Variants in PRKAG2 observed in about 807,000 individuals in gnomAD.
The protein encoded by PRKAG2 is protein kinase AMP-activated non-catalytic subunit gamma 2.
In PRKAG2, 26 loss-of-function variants were observed where a neutral mutation model predicts 69.6. That is an observed-to-expected ratio of 0.37 (90% CI 0.27 to 0.52). PRKAG2 has a LOEUF of 0.52. Among genes scored for constraint, PRKAG2 ranks in the 20% least tolerant of loss-of-function variants. The pLI, the probability that PRKAG2 is intolerant of heterozygous loss-of-function variation, is 0.90. For missense variants in PRKAG2, 557 were observed against 740.0 expected (o/e 0.75, Z 2.87); for synonymous variants, 293 against 285.0 (o/e 1.03, Z -0.28).
At chr7:151,755,863 T>C (rs1422218242) in intron 3 of PRKAG2, among the ~76,000 whole-genome samples, 2 of 152,156 alleles carry the variant, frequency 1.3e-5, no homozygotes, top group Non-Finnish European at 2.9e-5. Context: ...TTCACCCCGG[T>C]GCCTAAAGCA....
In PRKAG2 at chr7:151,556,440, C is replaced by G. The variant is rs1283998265; in HGVS notation, c.*761G>C. 6.6e-6 allele frequency: 1 copy of G among 152,662 alleles called. No individual in the cohort carries two copies. The allele number at this position is 152,662 out of a possible 1,614,324, so 9.5% of individuals were successfully genotyped here. On this transcript the variant is annotated 3_prime_UTR_variant, in exon 16 of 16. Transcript: ENST00000287878. Reference sequence around the variant, plus strand: ...TCCTCCACACTTTGAGAGACCTCAGCTTTTAAAACCCAGCAGCGGCTATTT... The same window carrying G: ...TCCTCCACACTTTGAGAGACCTCAGGTTTTAAAACCCAGCAGCGGCTATTT...
chr7:151,559,422 C>T (rs1804436459), intron 15 of PRKAG2: 4 of 985,336 alleles, frequency 4.1e-6, no homozygotes, highest in South Asian at 9.4e-5. Context: ...GTGACTGCAC[C>T]AGGCCCCATT....
intron 1 of PRKAG2, among the ~76,000 whole-genome samples, chr7:151,876,134 C>T (rs2080396203): frequency 6.6e-6 from 1 of 151,016 alleles, no homozygotes; most frequent in Admixed American, 6.6e-5. Context: ...TCCACCTCCC[C>T]GGAGCGCAGT....
chr7:151,597,738 C>T (rs1814907247), intron 5 of PRKAG2, among the ~76,000 whole-genome samples: 1 of 151,746 alleles, frequency 6.6e-6, no homozygotes, highest in Non-Finnish European at 1.5e-5. Context: ...GAGATATCAC[C>T]TCACTCCAGT....
intron 4 of PRKAG2, among the ~76,000 whole-genome samples, chr7:151,635,313 T>C (rs574799536): frequency 6.6e-6 from 1 of 152,332 alleles, no homozygotes; most frequent in East Asian, 1.9e-4. Flanking sequence ...GCAACTACCA[T>C]GTAACACATC....
At chr7:151,566,822 G>A (rs768520820) in intron 11 of PRKAG2, among the ~76,000 whole-genome samples, 1 of 152,112 alleles carries the variant, frequency 6.6e-6, no homozygotes, top group Non-Finnish European at 1.5e-5. Context: ...GAAGGGTAAT[G>A]CTCCTTTTTT....
At chr7:151,684,653 G>A (rs1218807899) in intron 3 of PRKAG2, among the ~76,000 whole-genome samples, 1 of 152,132 alleles carries the variant, frequency 6.6e-6, no homozygotes, top group Non-Finnish European at 1.5e-5. Context: ...CCTTGCCTGG[G>A]GGACAGGAGT....
intron 3 of PRKAG2, among the ~76,000 whole-genome samples, chr7:151,776,399 A>G (rs1356183651): frequency 7.0e-6 from 1 of 143,572 alleles, no homozygotes; most frequent in African/African-American, 2.7e-5. Flanking sequence ...CAGAAGAGTG[A>G]ACCTGGGGAT....
intron 4 of PRKAG2, among the ~76,000 whole-genome samples, chr7:151,668,557 A>C (rs1253367790): frequency 1.3e-5 from 2 of 152,158 alleles, no homozygotes; most frequent in East Asian, 1.9e-4. Context: ...TTTTAGCAGG[A>C]TCGTTCTTGG....
rs374422192 is a variant in PRKAG2, at chr7:151,716,047, C to T, written c.467-40410G>A. ...TGTGCAGGGATGGAGCTCGATTGCC[C>T]TTGAGTTTGTAGTCTGGGGTTGAGC... On this transcript the variant is annotated intron_variant, in intron 3 of 15. Coordinates refer to ENST00000287878, the MANE Select transcript of PRKAG2 (RefSeq NM_016203.4). Among the ~76,000 whole-genome samples, 9 of 152,158 alleles carry T rather than the reference C, an allele frequency of 5.9e-5. No individual in the cohort carries two copies. The East Asian group carries it at 1.4e-3, about 23-fold the overall frequency.
rs2076015262 is a variant in PRKAG2, at chr7:151,771,436, G to C, written c.466+9716C>G. ...TTATTCCACTTCCTCCTTTCCTCCT[G>C]CACTCTGTTCCAAAGCCAGAGAGCT... On this transcript the variant is annotated intron_variant, in intron 3 of 15. Transcript: ENST00000287878. This position sits in a 1 kb window ranked among gnomAD's most constrained non-coding sequence, Gnocchi z 4.0. 6.6e-6 allele frequency among the ~76,000 whole-genome samples: 1 copy of C among 152,116 alleles called. No homozygotes were observed.
At chr7:151,848,784 C>T (rs527693965) in intron 1 of PRKAG2, among the ~76,000 whole-genome samples, 1 of 152,274 alleles carries the variant, frequency 6.6e-6, no homozygotes, top group South Asian at 2.1e-4. Context: ...CTCGGCCTCC[C>T]AAAGTGCTGG....
chr7:151,698,341 C>T (rs1040638356), intron 3 of PRKAG2, among the ~76,000 whole-genome samples: 1 of 152,198 alleles, frequency 6.6e-6, no homozygotes. Context: ...CCATCCCCCA[C>T]CCCCTCGCCT....
chr7:151,654,694 C>T (rs1384090117), intron 4 of PRKAG2, among the ~76,000 whole-genome samples: 7 of 152,018 alleles, frequency 4.6e-5, no homozygotes, highest in Non-Finnish European at 5.9e-5. Context: ...TCAGGATATG[C>T]TGGGTTTTTC....
In PRKAG2 at chr7:151,756,277, G is replaced by C. The variant is rs2075078871; in HGVS notation, c.466+24875C>G. ...ACACCACACACGTGACTGCAACGAA[G>C]GAAGTGTGGGTTCCTTTTAACGTAG... On this transcript the variant is annotated intron_variant, in intron 3 of 15. Transcript: ENST00000287878. This position sits in a 1 kb window ranked among gnomAD's most constrained non-coding sequence, Gnocchi z 4.9. Among the ~76,000 whole-genome samples the C allele has an allele frequency of 6.6e-6, 1 of 152,194 alleles. No homozygotes were observed. The highest frequency in any genetic ancestry group is 2.1e-4 in the South Asian group (1 of 4,836).
chr7:151,853,871 T>C (rs1391350667), intron 1 of PRKAG2, among the ~76,000 whole-genome samples: 2 of 152,016 alleles, frequency 1.3e-5, no homozygotes, highest in Non-Finnish European at 2.9e-5. Flanking sequence ...AAAGGATGAT[T>C]TGGGCTCAAA....
At chr7:151,613,528 C>T (rs76409819) in intron 5 of PRKAG2, among the ~76,000 whole-genome samples, 3,215 of 152,230 alleles carry the variant, frequency 0.021, 119 homozygotes, top group East Asian at 0.18. Flanking sequence ...GATGGAGTCT[C>T]GTTCTGTCAC....
rs1246353362 is a variant in PRKAG2 at position 151,556,959 on chromosome 7, TG to T, written c.*241del. On this transcript the variant is annotated 3_prime_UTR_variant, in exon 16 of 16. Transcript: ENST00000287878. ...AACTTCAGGACACAGTGCACTTTAATGACATACAGCATTTAAAATCCTTCAG... is the reference window on the plus strand; with the variant it reads ...AACTTCAGGACACAGTGCACTTTAATACATACAGCATTTAAAATCCTTCAG... The T allele has an allele frequency of 1.8e-6, 1 of 570,426 alleles. No homozygotes were observed. Among genetic ancestry groups the T allele is most frequent in the Non-Finnish European group, 3.1e-6 (1 of 327,242 alleles). The allele number at this position is 570,426 out of a possible 1,614,324, so 35.3% of individuals were successfully genotyped here.
intron 2 of PRKAG2, among the ~76,000 whole-genome samples, chr7:151,783,211 G>A (rs1463965478): frequency 6.6e-6 from 1 of 152,264 alleles, no homozygotes. Flanking sequence ...AAGAGCCGGC[G>A]CCGCCACGTG....
Sources: gnomAD v4.1 joint callset for allele counts (sites outside exome capture counted in the v4.1 genomes callset) on GRCh38, gnomAD v4.1.1 for gene constraint, Gnocchi (gnomAD v3.1) non-coding constraint, MANE v1.5 for transcripts, NCBI Gene and HGNC (gene_info 2026-07-23, HGNC 2026-07-21) for gene names.